The following PALM2AKAP2 variants were observed in gnomAD, a reference collection of about 807,000 sequenced individuals.
The protein encoded by PALM2AKAP2 is PALM2 and AKAP2 fusion.
PALM2AKAP2 carries 37 observed loss-of-function variants against 71.5 expected under a neutral mutation model. The observed-to-expected ratio is 0.52, with a 90% CI of 0.40 to 0.68. The LOEUF is 0.68. Among genes scored for constraint, PALM2AKAP2 ranks in the 30% least tolerant of loss-of-function variants. The pLI is 0.00. For synonymous variants in PALM2AKAP2, 468 were observed against 478.8 expected (o/e 0.98, Z 0.29); for missense variants, 1,224 against 1,191.8 (o/e 1.03, Z -0.40).
At chr9:110,004,858 G>A (rs886830535) in intron 6 of PALM2AKAP2, among the ~76,000 whole-genome samples, 9 of 152,104 alleles carry the variant, frequency 5.9e-5, no homozygotes, top group South Asian at 2.1e-4. Flanking sequence ...CGTAGTTCTC[G>A]TGCCGTGGTT....
chr9:109,759,500 A>C (rs1195877905), intron 1 of PALM2AKAP2, among the ~76,000 whole-genome samples: 1 of 152,196 alleles, frequency 6.6e-6, no homozygotes, highest in Admixed American at 6.5e-5. Flanking sequence ...TTAGAAAAAT[A>C]ATCAAACCTG....
intron 6 of PALM2AKAP2, among the ~76,000 whole-genome samples, chr9:109,999,814 G>A (rs141189198): frequency 5.9e-5 from 9 of 152,296 alleles, no homozygotes; most frequent in Non-Finnish European, 1.0e-4. Context: ...GAGGGTGGAG[G>A]TGGAGATGCC....
At position 110,153,135 on chromosome 9, in the gene PALM2AKAP2, A is replaced by AG. The variant is rs1397399294; in HGVS notation, c.2570-3181dup. 1.1e-4 allele frequency among the ~76,000 whole-genome samples: 17 copies of AG among 152,324 alleles called. No homozygotes were observed. The South Asian group carries it at 1.2e-3, about 11-fold the overall frequency. ...GGCTAGAACTGGAAAAACTTGCTCA[A>AG]GGGATGAAATCATCAATAAGCAGGA... On this transcript the variant is annotated intron_variant, in intron 2 of 3. Coordinates refer to ENST00000374525, the Ensembl canonical transcript of PALM2AKAP2.
At chr9:109,671,746 T>G (rs1027560082) in intron 1 of PALM2AKAP2, among the ~76,000 whole-genome samples, 6 of 152,224 alleles carry the variant, frequency 3.9e-5, no homozygotes, top group African/African-American at 1.2e-4. Flanking sequence ...TTTTTCCACA[T>G]GTTTGCATCA....
At chr9:109,926,176 A>G (rs1830952303) in intron 5 of PALM2AKAP2, among the ~76,000 whole-genome samples, 1 of 152,218 alleles carries the variant, frequency 6.6e-6, no homozygotes, top group African/African-American at 2.4e-5. Context: ...ATACGGGGAA[A>G]GGTTTAAAAA....
intron 1 of PALM2AKAP2, among the ~76,000 whole-genome samples, chr9:109,689,200 C>CTTTTT (rs200092612): frequency 2.5e-4 from 33 of 134,086 alleles, no homozygotes; most frequent in Admixed American, 3.8e-4. Flanking sequence ...TTTTTCTTTT[C>CTTTTT]TTTTTTTTTT....
At chr9:110,123,384 A>G (rs550641817) in intron 1 of PALM2AKAP2, among the ~76,000 whole-genome samples, 1 of 152,132 alleles carries the variant, frequency 6.6e-6, no homozygotes, top group Non-Finnish European at 1.5e-5. Context: ...TGTTCCCTCT[A>G]TGCACATCTC....
At chr9:109,971,086 C>G (rs1048174529) in intron 6 of PALM2AKAP2, among the ~76,000 whole-genome samples, 1 of 152,146 alleles carries the variant, frequency 6.6e-6, no homozygotes, top group Non-Finnish European at 1.5e-5. Context: ...GAGCAAGACC[C>G]TGTCTCAAAT....
At chr9:109,809,092 G>GCCTCCAC (rs1827658367) in intron 1 of PALM2AKAP2, among the ~76,000 whole-genome samples, 1 of 152,228 alleles carries the variant, frequency 6.6e-6, no homozygotes, top group African/African-American at 2.4e-5. Flanking sequence ...GGGCAGTGTG[G>GCCTCCAC]AAAGGAAATG....
upstream of PALM2AKAP2, among the ~76,000 whole-genome samples, chr9:110,045,893 A>G (rs1288939580): frequency 6.6e-6 from 1 of 152,166 alleles, no homozygotes; most frequent in Non-Finnish European, 1.5e-5. Flanking sequence ...AACAAGCACT[A>G]TCTGTGGTCT....
At chr9:109,736,157 T>C (rs1441440316) in intron 1 of PALM2AKAP2, among the ~76,000 whole-genome samples, 1 of 152,202 alleles carries the variant, frequency 6.6e-6, no homozygotes, top group Non-Finnish European at 1.5e-5. Context: ...CCTGTGTTTT[T>C]GTCTTGCGTT....
intron 1 of PALM2AKAP2, among the ~76,000 whole-genome samples, chr9:109,791,217 C>T (rs926740668): frequency 2.0e-5 from 3 of 152,126 alleles, no homozygotes; most frequent in Non-Finnish European, 4.4e-5. Context: ...TGATATATGT[C>T]AGATCAGTAT....
intron 1 of PALM2AKAP2, among the ~76,000 whole-genome samples, chr9:109,833,180 C>A (rs1463692168): frequency 6.6e-6 from 1 of 152,104 alleles, no homozygotes; most frequent in African/African-American, 2.4e-5. Flanking sequence ...CATGGTGAAA[C>A]CCTGTCTCTA....
At chr9:109,701,056 A>G (rs1828047497) in intron 1 of PALM2AKAP2, among the ~76,000 whole-genome samples, 1 of 152,240 alleles carries the variant, frequency 6.6e-6, no homozygotes, top group African/African-American at 2.4e-5. Context: ...AATATTTTGT[A>G]TTAAGTATTA....
intron 1 of PALM2AKAP2, among the ~76,000 whole-genome samples, chr9:109,698,851 C>T (rs924376713): frequency 6.6e-6 from 1 of 152,118 alleles, no homozygotes; most frequent in African/African-American, 2.4e-5. Context: ...TAGTATCTAG[C>T]CTTGAGGGGT....
intron 1 of PALM2AKAP2, among the ~76,000 whole-genome samples, chr9:109,800,923 G>A (rs1267754742): frequency 6.6e-6 from 1 of 152,212 alleles, no homozygotes; most frequent in Non-Finnish European, 1.5e-5. Flanking sequence ...ACAGGCAACT[G>A]GCTTATGTGT....
chr9:109,864,218 G>C (rs1180762147), intron 1 of PALM2AKAP2, among the ~76,000 whole-genome samples: 1 of 152,204 alleles, frequency 6.6e-6, no homozygotes, highest in African/African-American at 2.4e-5. Flanking sequence ...GGTTGTATGT[G>C]CTAACAACTG....
chr9:109,906,809 A>T (rs750029148), intron 3 of PALM2AKAP2, among the ~76,000 whole-genome samples: 8 of 152,208 alleles, frequency 5.3e-5, no homozygotes, highest in Non-Finnish European at 7.4e-5. Flanking sequence ...GCAAACACAT[A>T]AACAGGCAGA....
chr9:110,017,755 G>A lies in PALM2AKAP2; in HGVS notation c.582+1716G>A, dbSNP rs147889698. Among the ~76,000 whole-genome samples, 177 of 148,710 alleles carry A rather than the reference G, an allele frequency of 1.2e-3. 1 individual carries two copies. Among genetic ancestry groups the A allele is most frequent in the Non-Finnish European group, 1.9e-3 (125 of 67,564 alleles). ...TTTTTTTTTTTTTTTTTAAGACGGA[G>A]TCTTGCTGTGTCGCCAGGCTGGAGT... is the stretch of plus-strand genomic sequence containing the variant. On this transcript the variant is annotated intron_variant, in intron 7 of 9. Coordinates refer to the PALM2AKAP2 transcript ENST00000302798.
Sources: gnomAD v4.1 joint callset for allele counts (sites outside exome capture counted in the v4.1 genomes callset) on GRCh38, gnomAD v4.1.1 for gene constraint, MANE v1.5 for transcripts, NCBI Gene and HGNC (gene_info 2026-07-23, HGNC 2026-07-21) for gene names.